Variants in PRKN observed in about 807,000 individuals in gnomAD.
PRKN encodes parkin RBR E3 ubiquitin protein ligase.
Under a neutral mutation model 59.5 loss-of-function variants are expected in PRKN, and 56 were observed. The ratio of observed to expected loss-of-function variants is 0.94; its 90% CI spans 0.76 to 1.18. The LOEUF (loss-of-function observed/expected upper bound fraction) is 1.18. Among genes scored for constraint, PRKN ranks in the 50% most tolerant of loss-of-function variants. The pLI, the probability that PRKN is intolerant of heterozygous loss-of-function variation, is 0.00. For synonymous variants in PRKN, 250 were observed against 222.1 expected, an observed-to-expected ratio of 1.13 and a Z score of -1.12; for missense variants, 657 against 596.4, an observed-to-expected ratio of 1.10 and a Z score of -1.06.
chr6:161,425,458 T>G (rs1172046490), intron 9 of PRKN, among the ~76,000 whole-genome samples: 8 of 152,148 alleles, frequency 5.3e-5, no homozygotes, highest in African/African-American at 1.9e-4. Context: ...ATTGACTTAT[T>G]TCAGAGGCAA....
At chr6:161,727,748 T>G (rs1298457408) in intron 7 of PRKN, among the ~76,000 whole-genome samples, 1 of 152,182 alleles carries the variant, frequency 6.6e-6, no homozygotes, top group African/African-American at 2.4e-5. Flanking sequence ...CCTACCAGAC[T>G]TCATGATGTC....
Position 161,386,863 on chromosome 6 carries a change from C to T in PRKN, c.1098G>A (p.Arg366=). The T allele has an allele frequency of 6.2e-7, 1 of 1,614,012 alleles. No homozygotes were observed. Among genetic ancestry groups the T allele is most frequent in the Non-Finnish European group, 8.5e-7 (1 of 1,179,928 alleles). The change falls in exon 10 of 12, where the codon CGG becomes CGA. Residue 366 remains arginine (R), a synonymous_variant. Transcript: ENST00000366898. The surrounding 1 kb of genome is among the most constrained non-coding windows in gnomAD (Gnocchi z 4.3). ...CTTCATGGTACGCTTCTTTACATTC[C>T]CGGCAGAAGGCAAACTGCAAAAGAA... ...NGLGCGFAFC[R]ECKEAYHEGE... is the part of the protein sequence containing the mutation.
chr6:162,135,827 G>C (rs892813308), intron 4 of PRKN, among the ~76,000 whole-genome samples: 15 of 152,078 alleles, frequency 9.9e-5, no homozygotes, highest in African/African-American at 3.6e-4. Flanking sequence ...ACAAAAGTAA[G>C]GGACTCCTTG....
chr6:162,335,184 TTTTC>T (rs1729017299), intron 2 of PRKN, among the ~76,000 whole-genome samples: 1 of 148,336 alleles, frequency 6.7e-6, no homozygotes, highest in Non-Finnish European at 1.5e-5. Flanking sequence ...TGGCTACTTT[TTTTC>T]TTTTTCTTTT....
At chr6:162,102,839 C>G (rs898087514) in intron 4 of PRKN, among the ~76,000 whole-genome samples, 6 of 145,856 alleles carry the variant, frequency 4.1e-5, no homozygotes, top group African/African-American at 1.4e-4. Flanking sequence ...GTCAGGAGAT[C>G]GAGACCATCC....
At chr6:162,282,124 G>A (rs559256107) in intron 2 of PRKN, among the ~76,000 whole-genome samples, 3 of 152,174 alleles carry the variant, frequency 2.0e-5, no homozygotes, top group South Asian at 2.1e-4. Flanking sequence ...AGGTTCTGGC[G>A]CCACGGGGGT....
chr6:161,808,221 A>G (rs1016000832), intron 6 of PRKN, among the ~76,000 whole-genome samples: 1 of 152,116 alleles, frequency 6.6e-6, no homozygotes, highest in African/African-American at 2.4e-5. Flanking sequence ...AGACTACTCA[A>G]TCTTCTAATA....
At chr6:162,045,706 G>C (rs1021967928) in intron 5 of PRKN, among the ~76,000 whole-genome samples, 7 of 152,228 alleles carry the variant, frequency 4.6e-5, no homozygotes, top group African/African-American at 1.4e-4. Flanking sequence ...CGCCATCAAG[G>C]CATGATGAAG....
intron 6 of PRKN, among the ~76,000 whole-genome samples, chr6:161,828,580 CCT>C (rs1369001711): frequency 6.6e-6 from 1 of 152,120 alleles, no homozygotes; most frequent in Admixed American, 6.5e-5. Flanking sequence ...GCTTCCCGCC[CCT>C]CTGTTTCTCA....
At chr6:162,528,108 G>A (rs1305971516) in intron 1 of PRKN, among the ~76,000 whole-genome samples, 1 of 151,860 alleles carries the variant, frequency 6.6e-6, no homozygotes, top group Non-Finnish European at 1.5e-5. Context: ...GTCACCTGAG[G>A]TCAGGACTTC....
At chr6:162,680,160 ATACT>A (rs1238692389) in intron 1 of PRKN, among the ~76,000 whole-genome samples, 1 of 151,398 alleles carries the variant, frequency 6.6e-6, no homozygotes, top group African/African-American at 2.4e-5. Flanking sequence ...CACTTAATAT[ATACT>A]TAATTAAGCA....
chr6:162,402,288 C>T (rs962303349), intron 2 of PRKN, among the ~76,000 whole-genome samples: 5 of 151,792 alleles, frequency 3.3e-5, no homozygotes, highest in Admixed American at 6.6e-5. Context: ...AGTGTCATTC[C>T]GATAAGCAGT....
In PRKN at chr6:162,564,297, A is replaced by C. The variant is rs553287513; in HGVS notation, c.8-120824T>G. Among the ~76,000 whole-genome samples the C allele has an allele frequency of 5.9e-5, 9 of 152,214 alleles. No individual in the cohort carries two copies. In the South Asian group the frequency reaches 1.7e-3, roughly 28 times the overall value. ...GAGGCAGAGGTTGCAGTGAGCTGAG[A>C]TAACACCACTGCACTCCAGCCTGGC... On this transcript the variant is annotated intron_variant, in intron 1 of 11. Transcript: ENST00000366898.
At chr6:162,187,023 C>T (rs1462201902) in intron 4 of PRKN, among the ~76,000 whole-genome samples, 1 of 152,120 alleles carries the variant, frequency 6.6e-6, no homozygotes, top group Non-Finnish European at 1.5e-5. Flanking sequence ...AGGCTAGCTA[C>T]TTTGTTGGTA....
chr6:161,406,599 G>A (rs1048866523), intron 9 of PRKN, among the ~76,000 whole-genome samples: 1 of 150,702 alleles, frequency 6.6e-6, no homozygotes, highest in Non-Finnish European at 1.5e-5. Context: ...TGGCTTCTTA[G>A]TATTAGCCCG....
At chr6:161,792,322 G>T (rs1234726444) in intron 6 of PRKN, among the ~76,000 whole-genome samples, 1 of 152,180 alleles carries the variant, frequency 6.6e-6, no homozygotes, top group Non-Finnish European at 1.5e-5. Context: ...GACCAGAAAA[G>T]AATTCATGAA....
intron 1 of PRKN, among the ~76,000 whole-genome samples, chr6:162,646,292 A>G (rs1377242973): frequency 6.6e-6 from 1 of 151,544 alleles, no homozygotes; most frequent in Non-Finnish European, 1.5e-5. Context: ...ATTTTTTCAT[A>G]GACAGAGTCT....
intron 1 of PRKN, among the ~76,000 whole-genome samples, chr6:162,608,899 G>A (rs2128218445): frequency 6.6e-6 from 1 of 152,264 alleles, no homozygotes; most frequent in African/African-American, 2.4e-5. Flanking sequence ...TGGGACAGGA[G>A]GGTATCTACT....
chr6:161,874,536 T>G (rs1166863605), intron 6 of PRKN, among the ~76,000 whole-genome samples: 2 of 110,968 alleles, frequency 1.8e-5, no homozygotes, highest in East Asian at 6.0e-4. Flanking sequence ...ATGTAAAATA[T>G]ATATTATGTA....
Sources: allele counts gnomAD v4.1 joint callset (sites outside exome capture counted in the v4.1 genomes callset), GRCh38; gene constraint gnomAD v4.1.1; non-coding constraint Gnocchi (gnomAD v3.1); transcripts MANE v1.5; gene names NCBI Gene and HGNC (gene_info 2026-07-23, HGNC 2026-07-21).